PXDNL: variants seen among roughly 807,000 people sequenced by gnomAD.
The protein encoded by PXDNL is probable oxidoreductase PXDNL.
PXDNL carries 145 observed loss-of-function variants against 150.8 expected under a neutral mutation model. The ratio of observed to expected loss-of-function variants is 0.96; its 90% CI spans 0.84 to 1.10. The LOEUF (loss-of-function observed/expected upper bound fraction) is 1.10. Ranked by LOEUF, PXDNL falls within the 50% of genes least tolerant of loss-of-function variation. The pLI is 0.00. For missense variants in PXDNL, 2,087 were observed against 1,873.9 expected, an observed-to-expected ratio of 1.11 and a Z score of -2.10; for synonymous variants, 757 against 725.7, an observed-to-expected ratio of 1.04 and a Z score of -0.69.
At chr8:51,351,226 T>C (rs1035026824) in intron 19 of PXDNL, among the ~76,000 whole-genome samples, 1 of 152,228 alleles carries the variant, frequency 6.6e-6, no homozygotes, top group Non-Finnish European at 1.5e-5. Flanking sequence ...TATGTTGAAA[T>C]TCTAATCCCC....
At chr8:51,622,621 A>C (rs1814280559) in intron 2 of PXDNL, among the ~76,000 whole-genome samples, 1 of 152,228 alleles carries the variant, frequency 6.6e-6, no homozygotes, top group Admixed American at 6.5e-5. Flanking sequence ...CATAATAGCC[A>C]CGAACAACCA....
chr8:51,435,662 A>G (rs1809383605), intron 12 of PXDNL: 1 of 229,190 alleles, frequency 4.4e-6, no homozygotes, highest in Non-Finnish European at 9.4e-6. Flanking sequence ...GAACCCAGAA[A>G]GAAGCGAAAA....
chr8:51,556,839 C>T lies in PXDNL; in HGVS notation c.380+1G>A, dbSNP rs544725965. On this transcript the variant is annotated splice_donor_variant, in intron 4 of 22. Coordinates refer to ENST00000356297, the MANE Select transcript of PXDNL (RefSeq NM_144651.5). LOFTEE classifies it high-confidence loss of function. ...TTAATAAAAAAGTTTCTATTACTTA[C>T]AGATGTTCCAAAGATATGAGTCCTT... 1,647 of 1,540,374 alleles carry T rather than the reference C, an allele frequency of 1.1e-3. 28 individuals carry two copies. In the South Asian group the frequency reaches 0.017, roughly 16 times the overall value.
chr8:51,758,436 G>A (rs542158393), intron 1 of PXDNL, among the ~76,000 whole-genome samples: 1 of 152,288 alleles, frequency 6.6e-6, no homozygotes, highest in Admixed American at 6.5e-5. Context: ...GCAACAATTA[G>A]AATGCTATTT....
rs375681746 is a variant in PXDNL, at chr8:51,779,332, T to C, written c.164+29849A>G. ...TGATCTGACGGCGAGGCGAAGTCCCTGTGGGCACCTATGTGAGTTTCCAGG... is the reference window on the plus strand; with the variant it reads ...TGATCTGACGGCGAGGCGAAGTCCCCGTGGGCACCTATGTGAGTTTCCAGG... On this transcript the variant is annotated intron_variant, in intron 1 of 22. Transcript: ENST00000356297. Among the ~76,000 whole-genome samples, 102 of 152,320 alleles carry C rather than the reference T, an allele frequency of 6.7e-4. 1 individual carries two copies. Among genetic ancestry groups the C allele is most frequent in the African/African-American group, 2.3e-3 (96 of 41,566 alleles).
intron 1 of PXDNL, among the ~76,000 whole-genome samples, chr8:51,720,003 T>G (rs1014886282): frequency 2.0e-5 from 3 of 152,158 alleles, no homozygotes; most frequent in Non-Finnish European, 4.4e-5. Context: ...TGTGATCATT[T>G]GAACTTCTGG....
Position 51,346,734 on chromosome 8 carries a change from G to A in PXDNL, c.3902-787C>T, listed in dbSNP as rs989641021. ...CCCGTACTCTCTTGCTCCCACTCAT[G>A]TCATGTGCCCTGCCTCCTGCTCCCT... On this transcript the variant is annotated intron_variant, in intron 19 of 22. Transcript: ENST00000356297. Among the ~76,000 whole-genome samples, 3 of 152,116 alleles carry A rather than the reference G, an allele frequency of 2.0e-5. No individual in the cohort carries two copies. In the East Asian group the frequency reaches 5.8e-4, roughly 29 times the overall value.
chr8:51,491,264 A>G (rs1185535555), intron 5 of PXDNL, among the ~76,000 whole-genome samples: 4 of 152,134 alleles, frequency 2.6e-5, no homozygotes, highest in Non-Finnish European at 5.9e-5. Context: ...CCTTTTTTAT[A>G]CATCTATCTA....
rs201816215 is a variant in PXDNL at position 51,320,821 on chromosome 8, C to A, written c.4223G>T (p.Arg1408Leu). ...VRGVPRKAEERWMKEDCTHCI... is the reference protein window; with the variant it reads ...VRGVPRKAEELWMKEDCTHCI... Reference sequence around the variant, plus strand: ...GTGAGTGCAGTCTTCTTTCATCCAGCGCTCCTCGGCCTTCCTTGGAACCCC... The same window carrying A: ...GTGAGTGCAGTCTTCTTTCATCCAGAGCTCCTCGGCCTTCCTTGGAACCCC... Residue 1408 changes from arginine (R) to leucine (L), a missense_variant, in exon 22 of 23, where the codon CGC becomes CTC. Physicochemically the swap from Arg to Leu is moderately radical, Grantham distance 102. Transcript: ENST00000356297. 7 of 1,613,878 alleles carry A rather than the reference C, an allele frequency of 4.3e-6. No individual in the cohort carries two copies. The South Asian group carries it at 6.6e-5, about 15-fold the overall frequency.
chr8:51,622,667 G>C (rs746883504), intron 2 of PXDNL, among the ~76,000 whole-genome samples: 15 of 152,202 alleles, frequency 9.9e-5, no homozygotes, highest in Non-Finnish European at 2.1e-4. Flanking sequence ...CTCTGGATAA[G>C]GACGTAAGGG....
chr8:51,484,166 G>A (rs1011645846), intron 5 of PXDNL, among the ~76,000 whole-genome samples: 4 of 152,116 alleles, frequency 2.6e-5, no homozygotes, highest in Admixed American at 2.6e-4. Flanking sequence ...TACAGGCGTG[G>A]TGGCTCACGC....
chr8:51,736,276 C>A (rs190276375), intron 1 of PXDNL, among the ~76,000 whole-genome samples: 2 of 152,206 alleles, frequency 1.3e-5, no homozygotes, highest in Admixed American at 1.3e-4. Context: ...TTATCATAGA[C>A]CTAAGACAGA....
intron 1 of PXDNL, among the ~76,000 whole-genome samples, chr8:51,736,717 C>G (rs1329097588): frequency 6.6e-6 from 1 of 152,160 alleles, no homozygotes; most frequent in Non-Finnish European, 1.5e-5. Flanking sequence ...CTTAGGTAGA[C>G]AGACCTTTGT....
At chr8:51,586,447 G>GT (rs1450780942) in intron 3 of PXDNL, among the ~76,000 whole-genome samples, 1 of 152,106 alleles carries the variant, frequency 6.6e-6, no homozygotes, top group Non-Finnish European at 1.5e-5. Flanking sequence ...TTCTGCAGTG[G>GT]TTTGTTTCAC....
intron 1 of PXDNL, among the ~76,000 whole-genome samples, chr8:51,796,469 C>G (rs186697373): frequency 7.1e-4 from 107 of 151,734 alleles, no homozygotes; most frequent in Non-Finnish European, 1.4e-3. Context: ...CAAATAGACA[C>G]AATAAAAAAT....
rs759582960 is a variant in PXDNL, at chr8:51,408,697, C to T, written c.2927G>A (p.Arg976Gln). The change falls in exon 17 of 23, where the codon CGG (arginine) becomes CAG (glutamine). Residue 976 changes from arginine (R) to glutamine (Q), a missense_variant. By Grantham distance (43) the Arg-to-Gln change is conservative. Transcript: ENST00000356297. ...ALAAMHTLWF[R>Q]EHNRMATELS... ...CTCCGTGGCCATCCTGTTGTGTTCC[C>T]GGAACCACAGGGTGTGCATGGCGGC... 2.1e-5 allele frequency: 34 copies of T among 1,594,616 alleles called. 1 individual carries two copies. The South Asian group carries it at 3.2e-4, about 15-fold the overall frequency.
intron 1 of PXDNL, among the ~76,000 whole-genome samples, chr8:51,737,867 T>C (rs1817070501): frequency 6.6e-6 from 1 of 152,132 alleles, no homozygotes; most frequent in South Asian, 2.1e-4. Context: ...TCGCTCTCAC[T>C]GAATACCTGT....
chr8:51,350,808 CT>C (rs1806329668), intron 19 of PXDNL, among the ~76,000 whole-genome samples: 1 of 152,074 alleles, frequency 6.6e-6, no homozygotes, highest in Non-Finnish European at 1.5e-5. Context: ...TTTCAGACTG[CT>C]TTTTGTTAGA....
intron 3 of PXDNL, among the ~76,000 whole-genome samples, chr8:51,563,301 G>A (rs945355914): frequency 1.3e-5 from 2 of 151,966 alleles, no homozygotes; most frequent in Admixed American, 6.6e-5. Flanking sequence ...CTCTCTTCCT[G>A]GCTCGCAGAT....
Sources: allele counts gnomAD v4.1 joint callset (sites outside exome capture counted in the v4.1 genomes callset), GRCh38; gene constraint gnomAD v4.1.1; transcripts MANE v1.5; gene names NCBI Gene and HGNC (gene_info 2026-07-23, HGNC 2026-07-21).